Variants in REXO1 observed in about 807,000 individuals in gnomAD.
REXO1 encodes RNA exonuclease 1 homolog, also known as REX1, RNA exonuclease 1 homolog.
REXO1 carries 42 observed loss-of-function variants against 102.6 expected under a neutral mutation model. That is an observed-to-expected ratio of 0.41 (90% CI 0.32 to 0.53). The LOEUF (loss-of-function observed/expected upper bound fraction) is 0.53, where lower values mean the gene tolerates loss of function less well. REXO1 is among the 20% of genes least tolerant of loss of function. The probability of loss-of-function intolerance (pLI) is 0.27; values close to 1 mark genes in which losing one functional copy is unlikely to be tolerated. For synonymous variants in REXO1, 908 were observed against 779.1 expected (o/e 1.17, Z -2.76); for missense variants, 1,819 against 1,732.5 (o/e 1.05, Z -0.89).
intron 1 of REXO1, among the ~76,000 whole-genome samples, chr19:1,831,367 C>T (rs760007452): frequency 1.3e-5 from 2 of 152,154 alleles, no homozygotes; most frequent in Non-Finnish European, 1.5e-5. Context: ...CTTCGGCCCA[C>T]CTGGAGATCG....
At chr19:1,844,900 C>A (rs540225873) in intron 1 of REXO1, among the ~76,000 whole-genome samples, 7 of 152,344 alleles carry the variant, frequency 4.6e-5, no homozygotes, top group African/African-American at 1.7e-4. Context: ...GAAGCATCAT[C>A]TGGGAGCACG....
At chr19:1,837,353 G>A (rs766619345) in intron 1 of REXO1, among the ~76,000 whole-genome samples, 1 of 152,146 alleles carries the variant, frequency 6.6e-6, no homozygotes, top group Non-Finnish European at 1.5e-5. Flanking sequence ...ACATGCGGGC[G>A]CCCGGGGCCC....
intron 1 of REXO1, among the ~76,000 whole-genome samples, chr19:1,839,792 A>G (rs1412985163): frequency 2.6e-5 from 4 of 152,236 alleles, no homozygotes; most frequent in African/African-American, 9.6e-5. Flanking sequence ...CTGCAGAAGC[A>G]GCAGTGCCTG....
In REXO1 at chr19:1,827,637, T is replaced by A. The variant is rs777955978; in HGVS notation, c.1152A>T (p.Pro384=). The change falls in exon 2 of 16, where the codon CCA becomes CCT. Residue 384 remains proline (P), a synonymous_variant. Coordinates refer to ENST00000170168, the MANE Select transcript of REXO1 (RefSeq NM_020695.4). ...GKPKKKKTGA[P]PAPSCKDGAQ... ...CCCCGTCTTTGCAGCTGGGGGCAGG[T>A]GGGGCCCCGGTTTTTTTCTTCTTGG... 14 of 1,572,370 alleles carry A rather than the reference T, an allele frequency of 8.9e-6. No homozygotes were observed. The highest frequency in any genetic ancestry group is 1.2e-5 in the Non-Finnish European group (14 of 1,172,144).
chr19:1,837,017 T>C (rs183698510), intron 1 of REXO1, among the ~76,000 whole-genome samples: 190 of 152,186 alleles, frequency 1.2e-3, no homozygotes, highest in African/African-American at 4.3e-3. Flanking sequence ...ACCTAGCCCC[T>C]GGGGGAGCCA....
intron 1 of REXO1, chr19:1,835,032 T>C: frequency 5.0e-6 from 2 of 400,072 alleles, no homozygotes; most frequent in South Asian, 1.7e-5. Flanking sequence ...TGCCTGGGGC[T>C]CGGCCATGGC....
chr19:1,842,533 A>C (rs958516209), intron 1 of REXO1, among the ~76,000 whole-genome samples: 3 of 152,264 alleles, frequency 2.0e-5, no homozygotes, highest in African/African-American at 7.2e-5. Context: ...ACCAGCCTCG[A>C]CTGGCACGGC....
chr19:1,832,378 G>A (rs891111943), intron 1 of REXO1, among the ~76,000 whole-genome samples: 1 of 152,214 alleles, frequency 6.6e-6, no homozygotes. Context: ...ACCGGGTGAT[G>A]AAAGTGCAGT....
chr19:1,834,433 T>C (rs2069984554), intron 1 of REXO1, among the ~76,000 whole-genome samples: 1 of 152,096 alleles, frequency 6.6e-6, no homozygotes, highest in South Asian at 2.1e-4. Context: ...CTTGTTTTGT[T>C]GTTTTGTGGA....
chr19:1,844,946 C>T (rs1188053468), intron 1 of REXO1, among the ~76,000 whole-genome samples: 1 of 152,232 alleles, frequency 6.6e-6, no homozygotes, highest in Non-Finnish European at 1.5e-5. Context: ...AGCTGGGGCC[C>T]ACCGCACCTC....
chr19:1,831,536 G>T (rs2069901042), intron 1 of REXO1, among the ~76,000 whole-genome samples: 1 of 152,058 alleles, frequency 6.6e-6, no homozygotes, highest in South Asian at 2.1e-4. Flanking sequence ...GCCCCAGCAG[G>T]CATAAGAAAG....
chr19:1,842,471 T>C (rs1395583129), intron 1 of REXO1, among the ~76,000 whole-genome samples: 2 of 152,242 alleles, frequency 1.3e-5, no homozygotes, highest in African/African-American at 4.8e-5. Flanking sequence ...TCGGGATCAG[T>C]CACTGCTCTA....
In REXO1 at chr19:1,826,668, C is replaced by G. The variant is rs1189989616; in HGVS notation, c.1911+210G>C. ...TGGCTGGTGGCCACGGGCCAGTGACCTCTGGGTGGGTGAGGGGCAACAGGA... is the reference window on the plus strand; with the variant it reads ...TGGCTGGTGGCCACGGGCCAGTGACGTCTGGGTGGGTGAGGGGCAACAGGA... On this transcript the variant is annotated intron_variant, in intron 2 of 15. Transcript: ENST00000170168. This position sits in a 1 kb window ranked among gnomAD's most constrained non-coding sequence, Gnocchi z 4.3. Among the ~76,000 whole-genome samples, 1 of 144,040 alleles carries G rather than the reference C, an allele frequency of 6.9e-6. No individual in the cohort carries two copies. The highest frequency in any genetic ancestry group is 2.7e-5 in the African/African-American group (1 of 36,398). The allele number at this position is 144,040 out of a possible 152,430, so 94.5% of individuals were successfully genotyped here.
intron 12 of REXO1, among the ~76,000 whole-genome samples, 194 bp downstream of exon 12, chr19:1,817,025 A>G (rs1305205496): frequency 6.6e-6 from 1 of 152,260 alleles, no homozygotes; most frequent in East Asian, 1.9e-4. Flanking sequence ...GCCGGGGCCC[A>G]GTGCCCGGTG....
chr19:1,820,320 G>T lies in REXO1; in HGVS notation c.2470C>A (p.Leu824Met). The change falls in exon 6 of 16, where the codon CTG becomes ATG. Residue 824 changes from leucine (L) to methionine (M), a missense_variant. Physicochemically the swap from Leu to Met is conservative, Grantham distance 15. Coordinates refer to ENST00000170168, the MANE Select transcript of REXO1 (RefSeq NM_020695.4). ...AACTTGAGACACTCCTCGATGAACA[G>T]GTTGAGATAGCGCTGGCGGATGACG... ...PTVIRQRYLN[L>M]FIEECLKFCT... The T allele has an allele frequency of 6.2e-7, 1 of 1,613,988 alleles. No individual in the cohort carries two copies. Among genetic ancestry groups the T allele is most frequent in the Non-Finnish European group, 8.5e-7 (1 of 1,180,004 alleles).
At chr19:1,842,462 C>T (rs746748802) in intron 1 of REXO1, among the ~76,000 whole-genome samples, 10 of 152,262 alleles carry the variant, frequency 6.6e-5, no homozygotes, top group Non-Finnish European at 1.2e-4. Flanking sequence ...ACCGCCCTGT[C>T]GGGATCAGTC....
intron 1 of REXO1, 66 bp from the exon 2 acceptor site, chr19:1,828,697 C>A: frequency 6.7e-7 from 1 of 1,492,856 alleles, no homozygotes; most frequent in Non-Finnish European, 8.9e-7. Context: ...ATGGGGGCGG[C>A]CCCGGTCTCA....
intron 1 of REXO1, among the ~76,000 whole-genome samples, chr19:1,845,067 C>T (rs1055974937): frequency 6.6e-5 from 10 of 152,110 alleles, no homozygotes; most frequent in South Asian, 2.1e-4. Context: ...ACAGGGAGTG[C>T]GGGGCAGTGG....
At chr19:1,828,763 C>G in intron 1 of REXO1, 132 bp from the exon 2 acceptor site, 1 of 1,228,862 alleles carries the variant, frequency 8.1e-7, no homozygotes, top group Non-Finnish European at 1.1e-6. Flanking sequence ...CTGGCGCCCG[C>G]CAAGGCTCTG....
Sources: gnomAD v4.1 joint callset for allele counts (sites outside exome capture counted in the v4.1 genomes callset) on GRCh38, gnomAD v4.1.1 for gene constraint, Gnocchi (gnomAD v3.1) non-coding constraint, MANE v1.5 for transcripts, NCBI Gene and HGNC (gene_info 2026-07-23, HGNC 2026-07-21) for gene names.